The following KAT6B variants were observed in gnomAD, a reference collection of about 807,000 sequenced individuals.
KAT6B encodes the protein histone acetyltransferase KAT6B.
KAT6B carries 10 observed loss-of-function variants against 187.5 expected under a neutral mutation model. The ratio of observed to expected loss-of-function variants is 0.05; its 90% CI spans 0.03 to 0.09. The LOEUF is 0.09. Ranked by LOEUF, KAT6B falls within the 10% of genes least tolerant of loss-of-function variation. KAT6B has a pLI of 1.00. For missense variants in KAT6B, 1,952 were observed against 2,558.9 expected (o/e 0.76, Z 5.12); for synonymous variants, 861 against 926.8 (o/e 0.93, Z 1.29).
intron 13 of KAT6B, among the ~76,000 whole-genome samples, chr10:74,993,590 A>T (rs1843244907): frequency 6.6e-6 from 1 of 152,226 alleles, no homozygotes; most frequent in African/African-American, 2.4e-5. Context: ...ATTTTGCGAG[A>T]TTATACTGAT....
chr10:75,001,046 C>G (rs1378056030), intron 13 of KAT6B, among the ~76,000 whole-genome samples: 1 of 151,982 alleles, frequency 6.6e-6, no homozygotes, highest in African/African-American at 2.4e-5. Flanking sequence ...AATGATACTC[C>G]CCTCCACCCC....
intron 3 of KAT6B, among the ~76,000 whole-genome samples, chr10:74,859,945 T>C (rs1197277402): frequency 2.0e-5 from 3 of 152,342 alleles, no homozygotes; most frequent in East Asian, 3.9e-4. Context: ...TTGGAGAACA[T>C]TGATCAGGTG....
intron 13 of KAT6B, among the ~76,000 whole-genome samples, chr10:74,994,803 T>TAAA (rs79401012): frequency 7.4e-6 from 1 of 135,986 alleles, no homozygotes; most frequent in African/African-American, 2.7e-5. Flanking sequence ...CTTCATCTGT[T>TAAA]AAAAAAAAAA....
intron 16 of KAT6B, among the ~76,000 whole-genome samples, chr10:75,023,940 C>T (rs1845626157): frequency 6.6e-6 from 1 of 152,196 alleles, no homozygotes; most frequent in South Asian, 2.1e-4. Flanking sequence ...CCCTTCTTTG[C>T]AGTGTATTTT....
chr10:74,884,644 C>T (rs761537629), intron 3 of KAT6B, among the ~76,000 whole-genome samples: 5 of 152,090 alleles, frequency 3.3e-5, no homozygotes, highest in African/African-American at 4.8e-5. Context: ...TCTGGGCTCA[C>T]TGCAACACCT....
chr10:74,977,780 A>G (rs1842256803), intron 9 of KAT6B, among the ~76,000 whole-genome samples: 1 of 152,262 alleles, frequency 6.6e-6, no homozygotes, highest in Non-Finnish European at 1.5e-5. Context: ...ATTAACAAAA[A>G]GAAGAACATC....
chr10:74,988,999 T>C lies in KAT6B; in HGVS notation c.2536-20T>C, dbSNP rs1257040273. On this transcript the variant is annotated intron_variant, in intron 12 of 17. Transcript: ENST00000287239. ...TTCAGCAGGGCTCTGACATACTTGA[T>C]CTGTTTCTCCTTCCCTCAGGAAAAG... 3 of 1,556,780 alleles carry C rather than the reference T, an allele frequency of 1.9e-6. No individual in the cohort carries two copies. Among genetic ancestry groups the C allele is most frequent in the South Asian group, 1.1e-5 (1 of 89,916 alleles).
chr10:74,828,630 C>T (rs1387514410), intron 1 of KAT6B, among the ~76,000 whole-genome samples: 3 of 145,254 alleles, frequency 2.1e-5, no homozygotes, highest in Middle Eastern at 8.0e-3. Flanking sequence ...TGCAGTGGCG[C>T]CATCTCGGCT....
intron 3 of KAT6B, among the ~76,000 whole-genome samples, chr10:74,850,751 A>G (rs958320): frequency 0.31 from 46,595 of 152,212 alleles, 12,593 homozygotes; most frequent in African/African-American, 0.71. Context: ...AGAGACTTCC[A>G]TTATCACTGC....
intron 3 of KAT6B, among the ~76,000 whole-genome samples, chr10:74,914,189 CA>C (rs1339005914): frequency 7.6e-6 from 1 of 131,318 alleles, no homozygotes; most frequent in Admixed American, 7.8e-5. Context: ...CTGTCTCCCA[CA>C]AAAAAAAGAA....
At chr10:74,882,591 C>T (rs1240005750) in intron 3 of KAT6B, among the ~76,000 whole-genome samples, 1 of 152,206 alleles carries the variant, frequency 6.6e-6, no homozygotes, top group Non-Finnish European at 1.5e-5. Flanking sequence ...ACATGGGCCA[C>T]GTTTTTCCAG....
chr10:75,016,997 G>A (rs2134116163), intron 13 of KAT6B, among the ~76,000 whole-genome samples: 1 of 151,710 alleles, frequency 6.6e-6, no homozygotes, highest in Non-Finnish European at 1.5e-5. Flanking sequence ...CCGAGTAGCT[G>A]GGATTACAGG....
chr10:74,855,784 T>C (rs981220138), intron 3 of KAT6B, among the ~76,000 whole-genome samples: 5 of 152,230 alleles, frequency 3.3e-5, no homozygotes, highest in Non-Finnish European at 7.3e-5. Context: ...GTAAACACTC[T>C]ATTTCTTTCA....
intron 1 of KAT6B, among the ~76,000 whole-genome samples, chr10:74,827,422 G>A (rs1840351986): frequency 6.6e-6 from 1 of 151,928 alleles, no homozygotes; most frequent in Non-Finnish European, 1.5e-5. Flanking sequence ...CGCATGTGAG[G>A]AGCAGGTACG....
At chr10:74,909,187 A>G (rs1161120167) in intron 3 of KAT6B, among the ~76,000 whole-genome samples, 1 of 152,222 alleles carries the variant, frequency 6.6e-6, no homozygotes, top group Non-Finnish European at 1.5e-5. Flanking sequence ...CCTTGCCACA[A>G]TGGCGAAACC....
At chr10:74,939,174 G>A (rs1372789840) in intron 3 of KAT6B, among the ~76,000 whole-genome samples, 1 of 152,134 alleles carries the variant, frequency 6.6e-6, no homozygotes, top group Non-Finnish European at 1.5e-5. Flanking sequence ...GGAGAGCAGA[G>A]TTTGGTTTAC....
chr10:74,825,915 G>A (rs1840166225), upstream of KAT6B, among the ~76,000 whole-genome samples: 1 of 150,732 alleles, frequency 6.6e-6, no homozygotes, highest in Non-Finnish European at 1.5e-5. This position sits in a 1 kb window ranked among gnomAD's most constrained non-coding sequence, Gnocchi z 5.0. Context: ...AGTCGCCCGG[G>A]ACGGGACGGG....
At chr10:74,972,379 C>T (rs959226009) in intron 6 of KAT6B, 128 bp from the exon 7 acceptor site, 42 of 678,566 alleles carry the variant, frequency 6.2e-5, no homozygotes, top group Admixed American at 2.0e-4. Context: ...AAGGGAATGA[C>T]GCATTTTTTG....
At chr10:74,948,348 C>T (rs1167973069) in intron 3 of KAT6B, among the ~76,000 whole-genome samples, 1 of 152,238 alleles carries the variant, frequency 6.6e-6, no homozygotes, top group Non-Finnish European at 1.5e-5. Flanking sequence ...TAGCACATAA[C>T]ATCTCAACTG....
Sources: gnomAD v4.1 joint callset for allele counts (sites outside exome capture counted in the v4.1 genomes callset) on GRCh38, gnomAD v4.1.1 for gene constraint, Gnocchi (gnomAD v3.1) non-coding constraint, MANE v1.5 for transcripts, NCBI Gene and HGNC (gene_info 2026-07-23, HGNC 2026-07-21) for gene names.